The following ZNF846 variants were observed in gnomAD, a reference collection of about 807,000 sequenced individuals.
The protein encoded by ZNF846 is zinc finger protein 420 pseudogene.
ZNF846 carries 15 observed loss-of-function variants against 16.0 expected under a neutral mutation model. That is an observed-to-expected ratio of 0.94 (90% CI 0.63 to 1.45). The LOEUF (loss-of-function observed/expected upper bound fraction) is 1.45. Ranked by LOEUF, ZNF846 falls within the 40% of genes most tolerant of loss-of-function variation. The probability of loss-of-function intolerance (pLI) is 0.00; values close to 1 mark genes in which losing one functional copy is unlikely to be tolerated. For missense variants in ZNF846, 714 were observed against 622.3 expected, an observed-to-expected ratio of 1.15 and a Z score of -1.57; for synonymous variants, 229 against 212.0, an observed-to-expected ratio of 1.08 and a Z score of -0.70.
chr19:9,763,366 C>T, exon 3 of ZNF846: 7 of 1,611,362 alleles, frequency 4.3e-6, no homozygotes, highest in East Asian at 2.2e-5. Context: ...GTCCACTCCT[C>T]CTGGGTAAAG....
chr19:9,771,253 T>C (rs2045387925), upstream of ZNF846, among the ~76,000 whole-genome samples: 1 of 151,914 alleles, frequency 6.6e-6, no homozygotes, highest in Non-Finnish European at 1.5e-5. Context: ...GACATGATCT[T>C]GGCAACCTCC....
intron 1 of ZNF846, among the ~76,000 whole-genome samples, chr19:9,778,568 G>C (rs1223833025): frequency 6.6e-6 from 1 of 152,192 alleles, no homozygotes; most frequent in Non-Finnish European, 1.5e-5. Flanking sequence ...ACTTTGGGAG[G>C]CCAAGGCGGA....
In ZNF846 at chr19:9,762,536, G is replaced by A. The variant is rs932092122; in HGVS notation, c.143-368C>T. ...GTCTGTGGTCCCAGCTACTCAGAAG[G>A]TTGAGGCAGAAGAATTGCTTGAGCC... On this transcript the variant is annotated intron_variant, in intron 3 of 5. Transcript: ENST00000397902. 3.5e-5 allele frequency: 6 copies of A among 172,558 alleles called. No homozygotes were observed. The South Asian group carries it at 6.8e-4, about 19-fold the overall frequency. The allele number at this position is 172,558 out of a possible 1,614,324, so 10.7% of individuals were successfully genotyped here.
chr19:9,781,514 A>G (rs2145320379), intron 1 of ZNF846, among the ~76,000 whole-genome samples: 1 of 152,234 alleles, frequency 6.6e-6, no homozygotes, highest in African/African-American at 2.4e-5. Flanking sequence ...ATAACGCTTT[A>G]TCACTTGCGC....
intron 1 of ZNF846, among the ~76,000 whole-genome samples, chr19:9,778,667 G>A (rs1020890351): frequency 2.0e-5 from 3 of 152,062 alleles, no homozygotes; most frequent in Non-Finnish European, 4.4e-5. Flanking sequence ...GCCAGGTGAG[G>A]TGGCATGTGC....
chr19:9,784,855 T>C (rs549798473), intron 1 of ZNF846, among the ~76,000 whole-genome samples: 1 of 152,222 alleles, frequency 6.6e-6, no homozygotes, highest in South Asian at 2.1e-4. Context: ...CAGCCCTAAA[T>C]CCATTAAACC....
chr19:9,757,373 T>C (rs2145189758), downstream of ZNF846: 1 of 950,952 alleles, frequency 1.1e-6, no homozygotes, highest in Non-Finnish European at 1.6e-6. Flanking sequence ...ATTCCTATTA[T>C]ATAAGATATG....
At chr19:9,753,791 T>C (rs1049751852), downstream of ZNF846, among the ~76,000 whole-genome samples, 4 of 151,776 alleles carry the variant, frequency 2.6e-5, 1 homozygote, top group African/African-American at 9.8e-5. Flanking sequence ...TTCAGTCTTT[T>C]ACATTTCATT....
At chr19:9,764,841 T>G in intron 2 of ZNF846, 95 bp downstream of exon 2, 2 of 1,454,710 alleles carry the variant, frequency 1.4e-6, no homozygotes, top group South Asian at 2.3e-5. Context: ...AGGACCATCA[T>G]TTCTTTAAGA....
At chr19:9,749,434 T>C (rs1256171281), downstream of ZNF846, among the ~76,000 whole-genome samples, 1 of 152,092 alleles carries the variant, frequency 6.6e-6, no homozygotes, top group Non-Finnish European at 1.5e-5. Flanking sequence ...CAAGTCACCA[T>C]AACTGATATC....
rs982532944 is a variant in ZNF846, at chr19:9,776,645, G to C, written c.-86+9293C>G. Reference sequence around the variant, plus strand: ...GGCCACTACCGGTCTCCGTGCATTGGGGGTAGCGGTCCCCCAGGCCCAGCT... The same window carrying C: ...GGCCACTACCGGTCTCCGTGCATTGCGGGTAGCGGTCCCCCAGGCCCAGCT... On this transcript the variant is annotated intron_variant, in intron 1 of 4. Transcript: ENST00000586814. Among the ~76,000 whole-genome samples, 3 of 152,192 alleles carry C rather than the reference G, an allele frequency of 2.0e-5. No individual in the cohort carries two copies. The East Asian group carries it at 5.8e-4, about 29-fold the overall frequency.
chr19:9,777,147 ACG>A (rs1035216896), intron 1 of ZNF846, among the ~76,000 whole-genome samples: 2 of 143,636 alleles, frequency 1.4e-5, no homozygotes, highest in Non-Finnish European at 3.0e-5. Flanking sequence ...ACACACACAC[ACG>A]CACACACACA....
At chr19:9,760,005 T>A in intron 4 of ZNF846, 63 bp from the exon 5 acceptor site, 1 of 1,323,758 alleles carries the variant, frequency 7.6e-7, no homozygotes, top group Non-Finnish European at 1.1e-6. Context: ...TTTAAAAGCC[T>A]ATGGGGCTGG....
upstream of ZNF846, among the ~76,000 whole-genome samples, chr19:9,769,425 C>T (rs544322904): frequency 2.6e-5 from 4 of 152,078 alleles, no homozygotes; most frequent in Non-Finnish European, 5.9e-5. Flanking sequence ...GAGACAGGGT[C>T]TCTCTTTGTT....
At chr19:9,772,598 G>GAA (rs58605747), upstream of ZNF846, among the ~76,000 whole-genome samples, 1 of 131,846 alleles carries the variant, frequency 7.6e-6, no homozygotes. Flanking sequence ...CTCCGTCTCA[G>GAA]AAAAAAAAAA....
chr19:9,782,616 C>T (rs927760410), intron 1 of ZNF846, among the ~76,000 whole-genome samples: 2 of 152,152 alleles, frequency 1.3e-5, no homozygotes, highest in African/African-American at 2.4e-5. Flanking sequence ...GGTGTCTCAA[C>T]ATTGAAAGAT....
exon 6 of ZNF846, chr19:9,752,141 T>C (rs537407180): frequency 3.3e-5 from 5 of 153,096 alleles, no homozygotes; most frequent in Non-Finnish European, 7.3e-5. Context: ...CTAATACACG[T>C]GACTATTTCC....
intron 1 of ZNF846, among the ~76,000 whole-genome samples, chr19:9,778,582 A>C (rs1345969617): frequency 2.0e-5 from 3 of 152,158 alleles, no homozygotes; most frequent in African/African-American, 7.2e-5. Context: ...AGGCGGATGG[A>C]TCACCTGAGG....
At chr19:9,774,716 A>C (rs1049514936) in intron 1 of ZNF846, 4 of 1,531,338 alleles carry the variant, frequency 2.6e-6, no homozygotes, top group Non-Finnish European at 3.6e-6. Context: ...TAAAACAAAG[A>C]TCTATCACCC....
Sources: gnomAD v4.1 joint callset for allele counts (sites outside exome capture counted in the v4.1 genomes callset) on GRCh38, gnomAD v4.1.1 for gene constraint, MANE v1.5 for transcripts, NCBI Gene and HGNC (gene_info 2026-07-23, HGNC 2026-07-21) for gene names.